SNAP91: variants seen among roughly 807,000 people sequenced by gnomAD.
SNAP91 encodes the protein synaptosome associated protein 91.
SNAP91 carries 27 observed loss-of-function variants against 100.3 expected under a neutral mutation model. The ratio of observed to expected loss-of-function variants is 0.27; its 90% CI spans 0.20 to 0.37. SNAP91 has a LOEUF of 0.37. Ranked by LOEUF, SNAP91 falls within the 10% of genes least tolerant of loss-of-function variation. The pLI, the probability that SNAP91 is intolerant of heterozygous loss-of-function variation, is 1.00. For synonymous variants in SNAP91, 404 were observed against 398.6 expected, an observed-to-expected ratio of 1.01 and a Z score of -0.16; for missense variants, 986 against 1,123.7, an observed-to-expected ratio of 0.88 and a Z score of 1.75.
At chr6:83,620,418 C>T (rs2096665347) in intron 9 of SNAP91, among the ~76,000 whole-genome samples, 1 of 152,166 alleles carries the variant, frequency 6.6e-6, no homozygotes, top group Non-Finnish European at 1.5e-5. Context: ...CCTGGTACTT[C>T]GGACCCATCT....
At chr6:83,675,792 A>C (rs954798842) in intron 2 of SNAP91, among the ~76,000 whole-genome samples, 5 of 151,004 alleles carry the variant, frequency 3.3e-5, no homozygotes, top group Admixed American at 6.6e-5. Context: ...TAATGCAAGC[A>C]AAGTATATAG....
chr6:83,610,736 TATATATATATAA>T (rs1280552427), intron 11 of SNAP91, 59 bp from the exon 12 acceptor site: 3,323 of 198,464 alleles, frequency 0.017, 92 homozygotes, highest in African/African-American at 0.036. Flanking sequence ...TATATATATA[TATATATATATAA>T]ATATATATGT....
intron 10 of SNAP91, among the ~76,000 whole-genome samples, chr6:83,615,309 A>T (rs1193227958): frequency 6.6e-6 from 1 of 152,334 alleles, no homozygotes; most frequent in Middle Eastern, 3.4e-3. Flanking sequence ...GGAAGAGTGC[A>T]GAGAAGCTGA....
intron 12 of SNAP91, 79 bp downstream of exon 12, chr6:83,610,571 C>A: frequency 4.1e-6 from 2 of 493,452 alleles, no homozygotes; most frequent in South Asian, 4.2e-5. Context: ...GTATATAATG[C>A]CACTGAACTG....
chr6:83,654,993 C>G (rs181155648), intron 7 of SNAP91, among the ~76,000 whole-genome samples: 1 of 152,280 alleles, frequency 6.6e-6, no homozygotes, highest in East Asian at 1.9e-4. Flanking sequence ...TCAGGGATAT[C>G]AACCTCTTTG....
chr6:83,572,013 CCTT>C (rs1015593867), intron 26 of SNAP91, among the ~76,000 whole-genome samples: 70 of 152,290 alleles, frequency 4.6e-4, no homozygotes, highest in African/African-American at 1.7e-3. Context: ...ACTTGCTCCT[CCTT>C]GTCTTCCGCC....
At chr6:83,585,818 TG>T (rs2092450033) in intron 22 of SNAP91, among the ~76,000 whole-genome samples, 1 of 151,958 alleles carries the variant, frequency 6.6e-6, no homozygotes, top group African/African-American at 2.4e-5. Context: ...CACATCATAT[TG>T]TTTCAGTTGC....
At chr6:83,585,402 G>A (rs1486574622) in intron 22 of SNAP91, among the ~76,000 whole-genome samples, 1 of 152,048 alleles carries the variant, frequency 6.6e-6, no homozygotes, top group Non-Finnish European at 1.5e-5. Context: ...GATGGCATGT[G>A]CCTGCAGTCC....
chr6:83,656,308 T>G (rs972540802), intron 7 of SNAP91, among the ~76,000 whole-genome samples: 6 of 152,088 alleles, frequency 3.9e-5, no homozygotes, highest in African/African-American at 1.2e-4. Context: ...CTAAGAGAAC[T>G]CTATAGGAAG....
chr6:83,682,304 C>T (rs1451231347), intron 2 of SNAP91, among the ~76,000 whole-genome samples: 2 of 150,760 alleles, frequency 1.3e-5, no homozygotes, highest in African/African-American at 4.9e-5. Flanking sequence ...TAGCTTCCAA[C>T]TGAGTAGCTG....
At chr6:83,632,396 C>G (rs1194237876) in intron 8 of SNAP91, among the ~76,000 whole-genome samples, 2 of 152,046 alleles carry the variant, frequency 1.3e-5, no homozygotes, top group Non-Finnish European at 2.9e-5. Context: ...ATGAATTTCC[C>G]TGATGTTCTT....
At chr6:83,672,918 T>A (rs2098808506) in intron 2 of SNAP91, among the ~76,000 whole-genome samples, 1 of 152,116 alleles carries the variant, frequency 6.6e-6, no homozygotes, top group African/African-American at 2.4e-5. Context: ...GTACAGCAAT[T>A]TTCCTTTGCA....
chr6:83,578,785 A>G (rs1028869508), intron 24 of SNAP91, among the ~76,000 whole-genome samples: 1 of 152,054 alleles, frequency 6.6e-6, no homozygotes, highest in African/African-American at 2.4e-5. Context: ...TTCTGGTGTC[A>G]TATCTAAGAA....
At chr6:83,652,672 A>G (rs1323516133) in intron 7 of SNAP91, among the ~76,000 whole-genome samples, 1 of 152,090 alleles carries the variant, frequency 6.6e-6, no homozygotes, top group Non-Finnish European at 1.5e-5. Context: ...TTTTACCTTC[A>G]CTCACTCTTC....
chr6:83,678,816 A>G (rs1441603456), intron 2 of SNAP91: 2 of 1,284,698 alleles, frequency 1.6e-6, no homozygotes, highest in Admixed American at 4.7e-5. Flanking sequence ...ACTTCCTAGG[A>G]GGAATCATCC....
In SNAP91 at chr6:83,560,907, G is replaced by A. The variant is rs779933901; in HGVS notation, c.2483C>T (p.Ala828Val). 1.2e-5 allele frequency: 19 copies of A among 1,613,562 alleles called. No homozygotes were observed. The highest frequency in any genetic ancestry group is 3.3e-5 in the Admixed American group (2 of 59,920). Residue 828 changes from alanine to valine, a missense_variant, in exon 27 of 30, where the codon GCC becomes GTC. By Grantham distance (64) the Ala-to-Val change is moderately conservative (BLOSUM62 0). Transcript: ENST00000369694. The stretch of plus-strand genomic sequence containing the variant: ...AGGTTGTCCAACCGATGGGGCCCCG[G>A]CAACAGGAGGAACTGAACTGGTTGG... ...VPPTSSVPPVAGAPSVGQPGA... is the reference protein window; with the variant it reads ...VPPTSSVPPVVGAPSVGQPGA...
At chr6:83,593,454 T>C in intron 18 of SNAP91, 24 bp downstream of exon 18, 1 of 1,547,170 alleles carries the variant, frequency 6.5e-7, no homozygotes, top group Middle Eastern at 1.7e-4. Flanking sequence ...CGGAAAGAGG[T>C]CGACAACAAT....
intron 2 of SNAP91, among the ~76,000 whole-genome samples, chr6:83,678,331 C>A (rs1267475979): frequency 2.6e-5 from 4 of 152,112 alleles, no homozygotes; most frequent in Non-Finnish European, 1.5e-5. Context: ...CATGCTCTAA[C>A]CACAACCCAT....
intron 2 of SNAP91, among the ~76,000 whole-genome samples, chr6:83,668,384 T>A (rs567796751): frequency 6.6e-6 from 1 of 152,334 alleles, no homozygotes; most frequent in East Asian, 1.9e-4. Context: ...TGCATACGTA[T>A]GTTTATTGCA....
Sources: gnomAD v4.1 joint callset for allele counts (sites outside exome capture counted in the v4.1 genomes callset) on GRCh38, gnomAD v4.1.1 for gene constraint, MANE v1.5 for transcripts, NCBI Gene and HGNC (gene_info 2026-07-23, HGNC 2026-07-21) for gene names.